PPM1E: variants seen among roughly 807,000 people sequenced by gnomAD.
PPM1E encodes the protein protein phosphatase, Mg2+/Mn2+ dependent 1E.
Under a neutral mutation model 65.9 loss-of-function variants are expected in PPM1E, and 20 were observed. The ratio of observed to expected loss-of-function variants is 0.30; its 90% confidence interval spans 0.21 to 0.44. The LOEUF (loss-of-function observed/expected upper bound fraction) is 0.44, where lower values mean the gene tolerates loss of function less well. Ranked by LOEUF, PPM1E falls within the 20% of genes least tolerant of loss-of-function variation. The pLI is 1.00. For missense variants in PPM1E, 713 were observed against 953.1 expected (o/e 0.75, Z 3.32); for synonymous variants, 352 against 374.9 (o/e 0.94, Z 0.70).
intron 1 of PPM1E, among the ~76,000 whole-genome samples, chr17:58,919,409 C>T (rs936439541): frequency 6.6e-6 from 1 of 152,090 alleles, no homozygotes; most frequent in East Asian, 1.9e-4. Flanking sequence ...CTTTTTGGCA[C>T]CGTGGTTTTA....
rs1165915789 is a variant in PPM1E, at chr17:58,914,877, TC to T, written c.465-40771del. Among the ~76,000 whole-genome samples the T allele has an allele frequency of 2.0e-5, 3 of 152,228 alleles. No individual in the cohort carries two copies. In the East Asian group the frequency reaches 5.8e-4, roughly 29 times the overall value. On this transcript the variant is annotated intron_variant, in intron 1 of 6. Transcript: ENST00000308249. The stretch of plus-strand genomic sequence containing the variant: ...TCGAGATTTTTGACATTTCTCCTTA[TC>T]TTCCATAATTATTTATTACTTAGTA...
At chr17:58,781,956 AC>A (rs1177997130) in intron 1 of PPM1E, among the ~76,000 whole-genome samples, 1 of 152,136 alleles carries the variant, frequency 6.6e-6, no homozygotes, top group Admixed American at 6.6e-5. Context: ...ATTTTTGTAA[AC>A]TTTTTTACTT....
At chr17:58,971,272 T>A (rs2030599180) in intron 4 of PPM1E, among the ~76,000 whole-genome samples, 1 of 152,158 alleles carries the variant, frequency 6.6e-6, no homozygotes, top group African/African-American at 2.4e-5. Context: ...TGAGGATTTA[T>A]AACAAACTTT....
chr17:58,936,424 T>C (rs1039207596), intron 1 of PPM1E, among the ~76,000 whole-genome samples: 10 of 152,146 alleles, frequency 6.6e-5, no homozygotes, highest in African/African-American at 2.4e-4. Context: ...ATGAGGCTGC[T>C]CCAGACGAGT....
At chr17:58,937,190 C>G (rs1055486644) in intron 1 of PPM1E, among the ~76,000 whole-genome samples, 4 of 149,948 alleles carry the variant, frequency 2.7e-5, no homozygotes, top group African/African-American at 9.8e-5. Context: ...GGAAACAGTA[C>G]TTTCTTGTTT....
At chr17:58,952,104 T>C (rs2052247616) in intron 1 of PPM1E, among the ~76,000 whole-genome samples, 1 of 152,226 alleles carries the variant, frequency 6.6e-6, no homozygotes, top group South Asian at 2.1e-4. Context: ...TTTCTTTTGC[T>C]GTAATCTGCA....
chr17:58,919,695 G>A (rs1202097567), intron 1 of PPM1E, among the ~76,000 whole-genome samples: 1 of 152,012 alleles, frequency 6.6e-6, no homozygotes, highest in African/African-American at 2.4e-5. Flanking sequence ...GCTGAGGCAG[G>A]AGAATCACTT....
chr17:58,936,510 G>A (rs528306762), intron 1 of PPM1E, among the ~76,000 whole-genome samples: 2 of 152,270 alleles, frequency 1.3e-5, no homozygotes, highest in South Asian at 4.1e-4. Context: ...TGCCAAGACT[G>A]TTGAAACACA....
At chr17:58,846,328 G>A (rs1429443979) in intron 1 of PPM1E, among the ~76,000 whole-genome samples, 1 of 151,998 alleles carries the variant, frequency 6.6e-6, no homozygotes, top group African/African-American at 2.4e-5. Flanking sequence ...ATGCAGGTTT[G>A]TTACATATGT....
rs778747245 is a variant in PPM1E at position 58,969,626 on chromosome 17, AACTTAGTC to A, written c.872_879del (p.Asn291ThrfsTer8). 1 of 1,613,998 alleles carries A rather than the reference AACTTAGTC, an allele frequency of 6.2e-7. No homozygotes were observed. The highest frequency in any genetic ancestry group is 8.5e-7 in the Non-Finnish European group (1 of 1,179,984). ...TTATGCCTCCATTCACCTCCACGTT[AACTTAGTC>A]CGCCAGGAGATGTTCCCCCATGATC... On this transcript the variant is annotated frameshift_variant, in exon 4 of 7. Coordinates refer to ENST00000308249, the MANE Select transcript of PPM1E (RefSeq NM_014906.5). LOFTEE classifies it high-confidence loss of function.
intron 1 of PPM1E, among the ~76,000 whole-genome samples, chr17:58,833,786 T>G (rs962370146): frequency 6.6e-6 from 1 of 152,196 alleles, no homozygotes; most frequent in African/African-American, 2.4e-5. Flanking sequence ...GGTAGTTCTG[T>G]TTTAAGTTCT....
intron 1 of PPM1E, among the ~76,000 whole-genome samples, chr17:58,787,378 C>CT (rs925327788): frequency 4.6e-5 from 7 of 151,432 alleles, no homozygotes; most frequent in East Asian, 1.9e-4. Context: ...CCAAATTTTT[C>CT]TTTTTTTTCT....
intron 1 of PPM1E, among the ~76,000 whole-genome samples, chr17:58,772,416 A>G (rs1393501630): frequency 1.3e-5 from 2 of 152,010 alleles, no homozygotes; most frequent in South Asian, 2.1e-4. Flanking sequence ...AGATCGTGCT[A>G]CTGCACTCCA....
chr17:58,931,531 A>G lies in PPM1E; in HGVS notation c.465-24118A>G, dbSNP rs563711574. Among the ~76,000 whole-genome samples the G allele has an allele frequency of 6.6e-5, 10 of 152,308 alleles. 1 individual carries two copies. In the South Asian group the frequency reaches 1.7e-3, roughly 25 times the overall value. ...ATCATGAGCCAGGGAAAATGTACATAGAACAATTATAATAAGGCACAACCT... is the reference window on the plus strand; with the variant it reads ...ATCATGAGCCAGGGAAAATGTACATGGAACAATTATAATAAGGCACAACCT... On this transcript the variant is annotated intron_variant, in intron 1 of 6. Transcript: ENST00000308249.
intron 1 of PPM1E, among the ~76,000 whole-genome samples, chr17:58,878,296 G>A: frequency 6.6e-6 from 1 of 151,992 alleles, no homozygotes; most frequent in East Asian, 1.9e-4. Flanking sequence ...AAGCTGGAGT[G>A]CAGTGGCGCC....
At chr17:58,956,521 T>C (rs866241972) in intron 2 of PPM1E, among the ~76,000 whole-genome samples, 1 of 152,136 alleles carries the variant, frequency 6.6e-6, no homozygotes, top group Admixed American at 6.5e-5. Context: ...AAATCAGTTG[T>C]AACACAACTT....
At chr17:58,933,900 G>C (rs555182750) in intron 1 of PPM1E, among the ~76,000 whole-genome samples, 1 of 152,008 alleles carries the variant, frequency 6.6e-6, no homozygotes, top group Non-Finnish European at 1.5e-5. Context: ...TTCAAGACCA[G>C]CCTGGCCAAG....
At position 58,981,098 on chromosome 17, in the gene PPM1E, G is replaced by A; in HGVS notation, c.*67G>A. On this transcript the variant is annotated 3_prime_UTR_variant, in exon 7 of 7. Transcript: ENST00000308249. ...ATACCACTATCAGAGTAGAAACAAG[G>A]TAGACATTTCTAAAACATATGTGCT... The A allele has an allele frequency of 8.7e-7, 1 of 1,152,986 alleles. No individual in the cohort carries two copies. Among genetic ancestry groups the A allele is most frequent in the Admixed American group, 2.4e-5 (1 of 41,778 alleles). The allele number at this position is 1,152,986 out of a possible 1,614,324, so 71.4% of individuals were successfully genotyped here.
At chr17:58,844,488 C>A (rs1337775334) in intron 1 of PPM1E, among the ~76,000 whole-genome samples, 1 of 152,108 alleles carries the variant, frequency 6.6e-6, no homozygotes, top group Admixed American at 6.5e-5. Context: ...TGTATGACTG[C>A]TGGATTTTAT....
Sources: gnomAD v4.1 joint callset for allele counts (sites outside exome capture counted in the v4.1 genomes callset) on GRCh38, gnomAD v4.1.1 for gene constraint, MANE v1.5 for transcripts, NCBI Gene and HGNC (gene_info 2026-07-23, HGNC 2026-07-21) for gene names.